KALRN: variants seen among roughly 807,000 people sequenced by gnomAD.
The protein encoded by KALRN is kalirin RhoGEF kinase.
Under a neutral mutation model 353.7 loss-of-function variants are expected in KALRN, and 70 were observed. The observed-to-expected ratio is 0.20, with a 90% CI of 0.16 to 0.24. The LOEUF (loss-of-function observed/expected upper bound fraction) is 0.24. Ranked by LOEUF, KALRN falls within the 10% of genes least tolerant of loss-of-function variation. KALRN has a pLI of 1.00. For synonymous variants in KALRN, 1,391 were observed against 1,434.8 expected (o/e 0.97, Z 0.69); for missense variants, 2,791 against 3,756.7 (o/e 0.74, Z 6.72).
chr3:124,078,047 A>G (rs1321369515), intron 1 of KALRN, among the ~76,000 whole-genome samples: 1 of 152,210 alleles, frequency 6.6e-6, no homozygotes, highest in Non-Finnish European at 1.5e-5. Flanking sequence ...GGTATTATTC[A>G]AGGACCTCTA....
At chr3:124,137,798 C>G (rs1281216565) in intron 1 of KALRN, among the ~76,000 whole-genome samples, 4 of 152,044 alleles carry the variant, frequency 2.6e-5, no homozygotes, top group African/African-American at 9.7e-5. Flanking sequence ...AAAAATGGTG[C>G]TCTGGGTGTG....
chr3:124,144,659 T>TTCCTCTTCCTCATCCTCC (rs1560070289), intron 1 of KALRN, among the ~76,000 whole-genome samples: 1 of 108,140 alleles, frequency 9.2e-6, no homozygotes, highest in African/African-American at 2.9e-5. Flanking sequence ...CCTCATCCTC[T>TTCCTCTTCCTCATCCTCC]TCCTCTTCCT....
At chr3:124,627,695 G>T (rs2080115643) in intron 34 of KALRN, among the ~76,000 whole-genome samples, 1 of 152,220 alleles carries the variant, frequency 6.6e-6, no homozygotes, top group Non-Finnish European at 1.5e-5. Flanking sequence ...ATAGCAGAGA[G>T]GCCCTGCTTC....
chr3:124,316,613 A>G (rs1029648722), intron 6 of KALRN, among the ~76,000 whole-genome samples: 11 of 152,274 alleles, frequency 7.2e-5, no homozygotes, highest in South Asian at 6.2e-4. Context: ...TACTTCATTC[A>G]GGGTCAAGCT....
chr3:124,326,435 C>A (rs1229726651), intron 7 of KALRN, among the ~76,000 whole-genome samples: 1 of 152,166 alleles, frequency 6.6e-6, no homozygotes, highest in Admixed American at 6.5e-5. Flanking sequence ...TTACATTTTG[C>A]TTGGTAGTGG....
chr3:124,636,759 G>T (rs186924349), intron 36 of KALRN, among the ~76,000 whole-genome samples: 22 of 152,296 alleles, frequency 1.4e-4, no homozygotes, highest in Admixed American at 1.2e-3. Flanking sequence ...GTAAAGCAAG[G>T]ACTGTTTCCC....
chr3:124,191,882 G>T (rs1651748428), intron 1 of KALRN, among the ~76,000 whole-genome samples: 1 of 152,186 alleles, frequency 6.6e-6, no homozygotes, highest in African/African-American at 2.4e-5. Context: ...AGATCCAAGG[G>T]AATGGGAATT....
intron 13 of KALRN, among the ~76,000 whole-genome samples, chr3:124,401,555 C>A (rs766039981): frequency 6.6e-6 from 1 of 152,066 alleles, no homozygotes; most frequent in African/African-American, 2.4e-5. Context: ...CATTCTTTAG[C>A]CTTTGTATGT....
intron 5 of KALRN, among the ~76,000 whole-genome samples, chr3:124,295,515 A>G (rs1246332891): frequency 6.6e-6 from 1 of 151,838 alleles, no homozygotes; most frequent in East Asian, 1.9e-4. Context: ...AGCTTTCCCT[A>G]CTCTGTGGTT....
chr3:124,472,087 T>A (rs1292732749), intron 25 of KALRN, among the ~76,000 whole-genome samples: 26 of 152,182 alleles, frequency 1.7e-4, no homozygotes. Context: ...AAATTGTGCA[T>A]CTTCCCATAG....
rs1391658619 is a variant in KALRN, at chr3:124,264,667, G to A, written c.433G>A (p.Gly145Ser). 1 of 1,614,130 alleles carries A rather than the reference G, an allele frequency of 6.2e-7. No individual in the cohort carries two copies. Among genetic ancestry groups the A allele is most frequent in the Non-Finnish European group, 8.5e-7 (1 of 1,180,014 alleles). Residue 145 changes from glycine (G) to serine (S), a missense_variant, in exon 4 of 60, where the codon GGC becomes AGC. Gly to Ser is a moderately conservative substitution (Grantham distance 56). Transcript: ENST00000682506. ...NFWQKQKTNF[G>S]SSKFIFETSM... Reference sequence around the variant, plus strand: ...CTGGCAGAAACAGAAGACCAACTTTGGCAGCTCCAAATTCATCTTTGAGGT... The same window carrying A: ...CTGGCAGAAACAGAAGACCAACTTTAGCAGCTCCAAATTCATCTTTGAGGT...
chr3:124,554,734 T>G (rs962699147), intron 33 of KALRN, among the ~76,000 whole-genome samples: 2 of 152,226 alleles, frequency 1.3e-5, no homozygotes, highest in Non-Finnish European at 2.9e-5. Context: ...TTCACATTTA[T>G]GACTGAGGCA....
intron 5 of KALRN, among the ~76,000 whole-genome samples, chr3:124,277,891 A>G (rs2074922598): frequency 6.6e-6 from 1 of 152,186 alleles, no homozygotes; most frequent in Admixed American, 6.5e-5. Context: ...ACTGAGAACT[A>G]AGACACTGTG....
chr3:124,284,854 G>T (rs895362718), intron 5 of KALRN, among the ~76,000 whole-genome samples: 1 of 152,202 alleles, frequency 6.6e-6, no homozygotes, highest in Non-Finnish European at 1.5e-5. Flanking sequence ...TGAGCTTCAA[G>T]ATTGATGAAT....
At chr3:124,693,200 T>C (rs2061903369) in intron 51 of KALRN, among the ~76,000 whole-genome samples, 1 of 152,192 alleles carries the variant, frequency 6.6e-6, no homozygotes, top group Non-Finnish European at 1.5e-5. Context: ...CTATAGGAGA[T>C]CATGCTTGAG....
intron 36 of KALRN, among the ~76,000 whole-genome samples, chr3:124,635,125 G>A (rs774740033): frequency 1.3e-5 from 2 of 152,118 alleles, no homozygotes; most frequent in African/African-American, 2.4e-5. Context: ...TGTCTTCAGG[G>A]CCAGCTCTTT....
intron 33 of KALRN, among the ~76,000 whole-genome samples, chr3:124,559,039 A>G (rs1253725794): frequency 6.6e-6 from 1 of 152,264 alleles, no homozygotes; most frequent in Non-Finnish European, 1.5e-5. Context: ...AAATAGACCT[A>G]AATGAAAATG....
At chr3:124,493,355 C>T (rs1201507739) in intron 32 of KALRN, among the ~76,000 whole-genome samples, 2 of 152,068 alleles carry the variant, frequency 1.3e-5, no homozygotes, top group East Asian at 3.9e-4. Context: ...TACTGCAACC[C>T]CCACAGAGAC....
chr3:124,522,591 G>A (rs1391603040), intron 33 of KALRN, among the ~76,000 whole-genome samples: 5 of 152,166 alleles, frequency 3.3e-5, no homozygotes, highest in African/African-American at 1.2e-4. Flanking sequence ...GTGTACATCA[G>A]AATTGCCTGG....
Sources: allele counts gnomAD v4.1 joint callset (sites outside exome capture counted in the v4.1 genomes callset), GRCh38; gene constraint gnomAD v4.1.1; transcripts MANE v1.5; gene names NCBI Gene and HGNC (gene_info 2026-07-23, HGNC 2026-07-21).